KCNT1: variants seen among roughly 807,000 people sequenced by gnomAD.
KCNT1 encodes potassium channel subfamily T member 1.
KCNT1 carries 78 observed loss-of-function variants against 147.8 expected under a neutral mutation model. The observed-to-expected ratio is 0.53, with a 90% CI of 0.44 to 0.64. The LOEUF is 0.64. KCNT1 is among the 30% of genes least tolerant of loss of function. KCNT1 has a pLI of 0.00. For missense variants in KCNT1, 1,419 were observed against 1,750.3 expected (o/e 0.81, Z 3.38); for synonymous variants, 867 against 748.8 (o/e 1.16, Z -2.58).
chr9:135,742,841 C>G, intron 2 of KCNT1: 2 of 717,014 alleles, frequency 2.8e-6, no homozygotes, highest in South Asian at 3.0e-5. Context: ...GAGGAACTGT[C>G]TTGGTGGCAG....
intron 20 of KCNT1, among the ~76,000 whole-genome samples, chr9:135,776,000 G>A (rs551477078): frequency 1.4e-3 from 217 of 152,178 alleles, no homozygotes; most frequent in Non-Finnish European, 2.1e-3. Context: ...GTGGGTCTGC[G>A]ATGTTTCTTG....
At chr9:135,757,500 G>T (rs1831578181) in intron 9 of KCNT1, 119 bp downstream of exon 9, 1 of 867,692 alleles carries the variant, frequency 1.2e-6, no homozygotes, top group Admixed American at 2.1e-5. Flanking sequence ...ACCTGTAGAG[G>T]ACCGGGAAGC....
intron 13 of KCNT1, 87 bp downstream of exon 13, chr9:135,765,847 C>A (rs1832233548): frequency 2.4e-6 from 3 of 1,266,364 alleles, no homozygotes; most frequent in East Asian, 2.5e-5. Flanking sequence ...GACCGTCGCT[C>A]TCCTGGCCAA....
intron 11 of KCNT1, among the ~76,000 whole-genome samples, chr9:135,761,315 G>A (rs986795278): frequency 2.0e-5 from 3 of 152,188 alleles, no homozygotes; most frequent in African/African-American, 7.2e-5. Flanking sequence ...CACCATGTGG[G>A]GTGGGGTGGA....
intron 24 of KCNT1, 97 bp from the exon 25 acceptor site, chr9:135,783,927 C>A (rs1833812917): frequency 1.2e-6 from 1 of 842,804 alleles, no homozygotes; most frequent in Non-Finnish European, 2.0e-6. Context: ...ATCATGCACA[C>A]ATGTACGGTG....
Position 135,730,638 on chromosome 9 carries a change from G to A in KCNT1, c.254+15918G>A, listed in dbSNP as rs1045103418. 9.2e-5 allele frequency among the ~76,000 whole-genome samples: 14 copies of A among 152,312 alleles called. No homozygotes were observed. The East Asian group carries it at 2.5e-3, about 27-fold the overall frequency. The stretch of plus-strand genomic sequence containing the variant: ...CTCCCTGGGACTCCAGAAGGAGCCA[G>A]CCCTGCCGGCACTTCAGGCTTGGGA... On this transcript the variant is annotated intron_variant, in intron 2 of 30. Transcript: ENST00000371757. The surrounding 1 kb of genome is among the most constrained non-coding windows in gnomAD (Gnocchi z 4.7).
At chr9:135,787,328 A>C (rs900312045) in intron 29 of KCNT1, among the ~76,000 whole-genome samples, 5 of 151,086 alleles carry the variant, frequency 3.3e-5, no homozygotes, top group African/African-American at 7.3e-5. Flanking sequence ...CCCCTCCCTC[A>C]CTCTAGAGAT....
At chr9:135,791,551 G>C (rs1834527589) in intron 29 of KCNT1, 4 of 517,940 alleles carry the variant, frequency 7.7e-6, no homozygotes, top group South Asian at 4.4e-5. Flanking sequence ...AGCACCAGAG[G>C]TGGGTGCGGG....
chr9:135,788,765 C>T (rs954769048), intron 29 of KCNT1, among the ~76,000 whole-genome samples: 1 of 152,204 alleles, frequency 6.6e-6, no homozygotes, highest in East Asian at 1.9e-4. Flanking sequence ...CTGCTCGGCT[C>T]GAGCAGAGCC....
At position 135,770,590 on chromosome 9, in the gene KCNT1, G is replaced by A. The variant is rs1039229104; in HGVS notation, c.1769+143G>A. 5.9e-5 allele frequency: 66 copies of A among 1,122,030 alleles called. No homozygotes were observed. In the Middle Eastern group the frequency reaches 1.1e-3, roughly 19 times the overall value. 69.5% of individuals were successfully genotyped at this position (1,122,030 alleles called of 1,614,324 possible). A position where few individuals can be genotyped will look rare whatever the true frequency, so the allele number is the denominator to read the frequency against. ...GGAGGGCATCAGGTCATCCTGCCTG[G>A]CGAGGGCAGCCGCAGGACTGGGCTC... is the stretch of plus-strand genomic sequence containing the variant. On this transcript the variant is annotated intron_variant, in intron 17 of 30. Coordinates refer to ENST00000371757, the MANE Select transcript of KCNT1 (RefSeq NM_020822.3).
intron 21 of KCNT1, among the ~76,000 whole-genome samples, chr9:135,777,864 C>T (rs894335513): frequency 8.6e-5 from 13 of 151,544 alleles, no homozygotes; most frequent in African/African-American, 3.2e-4. Context: ...TTCCCAGCTC[C>T]TCCCCACTCC....
chr9:135,714,517 G>T lies in KCNT1; in HGVS notation c.111-60G>T, dbSNP rs1017353211. The T allele has an allele frequency of 4.2e-5, 41 of 982,130 alleles. No individual in the cohort carries two copies. The African/African-American group carries it at 6.5e-4, about 16-fold the overall frequency. 60.8% of individuals were successfully genotyped at this position (982,130 alleles called of 1,614,324 possible). A position where few individuals can be genotyped will look rare whatever the true frequency, so the allele number is the denominator to read the frequency against. ...GCGGGCCGGGCCTGGCGGGCCGGGG[G>T]CTGCGCGCGTCCGCGAGGGCGCCCG... On this transcript the variant is annotated intron_variant, in intron 1 of 30. Transcript: ENST00000371757. This position sits in a 1 kb window ranked among gnomAD's most constrained non-coding sequence, Gnocchi z 6.2.
intron 24 of KCNT1, among the ~76,000 whole-genome samples, chr9:135,783,491 C>T (rs996137204): frequency 6.6e-6 from 1 of 152,220 alleles, no homozygotes; most frequent in African/African-American, 2.4e-5. Context: ...AGACAGGTGT[C>T]GTTTTAGCTG....
chr9:135,753,317 C>T (rs1831296384), intron 4 of KCNT1, among the ~76,000 whole-genome samples: 1 of 152,184 alleles, frequency 6.6e-6, no homozygotes, highest in Non-Finnish European at 1.5e-5. Flanking sequence ...GTGAGGTCTC[C>T]TTGGTCAGTG....
chr9:135,710,963 G>C (rs769768568), intron 1 of KCNT1, among the ~76,000 whole-genome samples: 3 of 152,244 alleles, frequency 2.0e-5, no homozygotes, highest in Non-Finnish European at 4.4e-5. Context: ...CGCCTGCTGT[G>C]AGCAGGGCTT....
chr9:135,772,677 G>T, intron 18 of KCNT1, 38 bp from the exon 19 acceptor site: 2 of 1,342,360 alleles, frequency 1.5e-6, no homozygotes, highest in Non-Finnish European at 1.9e-6. Context: ...ATGGAGGGTG[G>T]GAGTCGGGCT....
At chr9:135,705,827 G>T (rs530954673) in intron 1 of KCNT1, among the ~76,000 whole-genome samples, 3 of 152,064 alleles carry the variant, frequency 2.0e-5, no homozygotes, top group Non-Finnish European at 4.4e-5. Flanking sequence ...GGCAGAGGCC[G>T]CGAGCTTCCT....
intron 1 of KCNT1, among the ~76,000 whole-genome samples, chr9:135,708,627 C>T (rs578085247): frequency 3.4e-4 from 51 of 152,160 alleles, no homozygotes; most frequent in African/African-American, 9.9e-4. Flanking sequence ...CATGGCTCAC[C>T]GCAGCCTCAA....
intron 1 of KCNT1, among the ~76,000 whole-genome samples, chr9:135,710,264 G>A (rs891826574): frequency 1.3e-5 from 2 of 152,078 alleles, no homozygotes; most frequent in African/African-American, 4.8e-5. Flanking sequence ...CCTTGGTTTG[G>A]GGCTGCAGAT....
Sources: allele counts gnomAD v4.1 joint callset (sites outside exome capture counted in the v4.1 genomes callset), GRCh38; gene constraint gnomAD v4.1.1; non-coding constraint Gnocchi (gnomAD v3.1); transcripts MANE v1.5; gene names NCBI Gene and HGNC (gene_info 2026-07-23, HGNC 2026-07-21).